Variants in SPNS2 observed in about 807,000 individuals in gnomAD.
SPNS2 encodes SPNS lysolipid transporter 2, sphingosine-1-phosphate, also known as sphingosine-1-phosphate transporter SPNS2.
Under a neutral mutation model 57.6 loss-of-function variants are expected in SPNS2, and 37 were observed. The observed-to-expected ratio is 0.64, with a 90% confidence interval of 0.49 to 0.85. The LOEUF (loss-of-function observed/expected upper bound fraction) is 0.85. SPNS2 is among the 40% of genes least tolerant of loss of function. SPNS2 has a pLI of 0.00. For synonymous variants in SPNS2, 440 were observed against 346.9 expected, an observed-to-expected ratio of 1.27 and a Z score of -2.98; for missense variants, 831 against 779.1, an observed-to-expected ratio of 1.07 and a Z score of -0.79.
At chr17:4,536,219 T>G in intron 10 of SPNS2, 44 bp from the exon 11 acceptor site, 1 of 1,608,578 alleles carries the variant, frequency 6.2e-7, no homozygotes, top group Non-Finnish European at 8.5e-7. Flanking sequence ...GCTGGGGGAC[T>G]GCAGGAGGGC....
chr17:4,537,420 GCC>G (rs1251149787), intron 12 of SPNS2, 31 bp from the exon 13 acceptor site: 1 of 432,038 alleles, frequency 2.3e-6, no homozygotes, highest in South Asian at 1.7e-5. Context: ...GCCCCACTAA[GCC>G]CCACTGCTGA....
chr17:4,525,949 G>T (rs1187363178), intron 3 of SPNS2, among the ~76,000 whole-genome samples: 1 of 152,178 alleles, frequency 6.6e-6, no homozygotes, highest in Non-Finnish European at 1.5e-5. Flanking sequence ...GCGTATTCAA[G>T]CAGAGAGTGG....
rs574888806 is a variant in SPNS2, at chr17:4,517,714, C to T, written c.436+4402C>T. On this transcript the variant is annotated intron_variant, in intron 2 of 12. Coordinates refer to ENST00000329078, the MANE Select transcript of SPNS2 (RefSeq NM_001124758.3). ...CCTCATTTTTTTGAGAGGGAGTCAGCTGACCCTGAAGATGGGAAAACAGAT... is the reference window on the plus strand; with the variant it reads ...CCTCATTTTTTTGAGAGGGAGTCAGTTGACCCTGAAGATGGGAAAACAGAT... Among the ~76,000 whole-genome samples, 16 of 152,216 alleles carry T rather than the reference C, an allele frequency of 1.1e-4. No homozygotes were observed. The South Asian group carries it at 3.1e-3, about 30-fold the overall frequency.
intron 2 of SPNS2, among the ~76,000 whole-genome samples, chr17:4,518,409 G>A (rs749241442): frequency 8.9e-4 from 135 of 152,304 alleles, no homozygotes; most frequent in Admixed American, 4.6e-3. Context: ...CTGTAATCCC[G>A]CTACTCGGGA....
intron 9 of SPNS2, among the ~76,000 whole-genome samples, chr17:4,535,755 G>C (rs574114900): frequency 6.6e-6 from 1 of 152,106 alleles, no homozygotes; most frequent in Non-Finnish European, 1.5e-5. Flanking sequence ...GGCCAATGAC[G>C]CTTTCAGTAT....
Position 4,516,600 on chromosome 17 carries a change from G to A in SPNS2, c.436+3288G>A, listed in dbSNP as rs897398693. 9.6e-5 allele frequency among the ~76,000 whole-genome samples: 11 copies of A among 114,460 alleles called. 1 individual carries two copies. The South Asian group carries it at 3.0e-3, about 31-fold the overall frequency. 75.1% of individuals were successfully genotyped at this position (114,460 alleles called of 152,430 possible). A position where few individuals can be genotyped will look rare whatever the true frequency, so the allele number is the denominator to read the frequency against. The stretch of plus-strand genomic sequence containing the variant: ...AGCGTGCACCTAGCTCTGGCCGGTG[G>A]CCGCGGAGAACACTTCCCTGAGGAG... On this transcript the variant is annotated intron_variant, in intron 2 of 12. Transcript: ENST00000329078.
Position 4,533,479 on chromosome 17 carries a change from C to T in SPNS2, c.1278+47C>T, listed in dbSNP as rs148741223. ...GGTGCTGGGGGAGCTGGGCCTGGGC[C>T]GCGGGAGGGTCTGGAACAGGACATT... On this transcript the variant is annotated intron_variant, in intron 8 of 12. Coordinates refer to ENST00000329078, the MANE Select transcript of SPNS2 (RefSeq NM_001124758.3). 1,927 of 1,534,494 alleles carry T rather than the reference C, an allele frequency of 1.3e-3. 17 individuals are homozygous for T. The African/African-American group carries it at 0.019, about 15-fold the overall frequency.
chr17:4,526,381 TC>T (rs1481839087), intron 3 of SPNS2, among the ~76,000 whole-genome samples: 7 of 152,038 alleles, frequency 4.6e-5, no homozygotes. Context: ...GGCGGGTGGA[TC>T]CCCTGAGGTC....
chr17:4,504,235 T>C (rs1904611967), intron 1 of SPNS2, among the ~76,000 whole-genome samples: 1 of 152,186 alleles, frequency 6.6e-6, no homozygotes, highest in Non-Finnish European at 1.5e-5. Context: ...AGCTGAGGTG[T>C]GAGGGGCAGG....
intron 9 of SPNS2, 85 bp from the exon 10 acceptor site, chr17:4,535,991 G>T: frequency 8.9e-7 from 1 of 1,127,762 alleles, no homozygotes; most frequent in African/African-American, 1.5e-5. Flanking sequence ...GGGTGTGGGG[G>T]CTTCAGAAGT....
In SPNS2 at chr17:4,512,999, G is replaced by T. The variant is rs7207689; in HGVS notation, c.371-248G>T. Among the ~76,000 whole-genome samples, 2 of 152,224 alleles carry T rather than the reference G, an allele frequency of 1.3e-5. No individual in the cohort carries two copies. Among genetic ancestry groups the T allele is most frequent in the East Asian group, 3.9e-4 (2 of 5,166 alleles). ...TGGTTGCCCATGGGGCAGAATGACC[G>T]CAGAGGAGCCCTGCCTTTCCCTGCC... On this transcript the variant is annotated intron_variant, in intron 1 of 12. Transcript: ENST00000329078. The surrounding 1 kb of genome is among the most constrained non-coding windows in gnomAD (Gnocchi z 5.2).
intron 9 of SPNS2, among the ~76,000 whole-genome samples, chr17:4,534,803 GC>G (rs1905692065): frequency 6.8e-6 from 1 of 146,882 alleles, no homozygotes; most frequent in African/African-American, 2.7e-5. Context: ...CACTGCACAG[GC>G]CCAGAGTGAA....
At chr17:4,526,921 A>G (rs370709580) in intron 3 of SPNS2, among the ~76,000 whole-genome samples, 36 of 152,222 alleles carry the variant, frequency 2.4e-4, no homozygotes, top group African/African-American at 8.2e-4. Context: ...TGGTGGCCAC[A>G]GTCAAAAATA....
At chr17:4,526,323 C>G (rs993461098) in intron 3 of SPNS2, among the ~76,000 whole-genome samples, 8 of 152,110 alleles carry the variant, frequency 5.3e-5, no homozygotes, top group African/African-American at 1.9e-4. Context: ...GAGGATTGGG[C>G]CAGGTGTGAT....
At chr17:4,500,144 C>T (rs1472278476) in intron 1 of SPNS2, among the ~76,000 whole-genome samples, 1 of 152,158 alleles carries the variant, frequency 6.6e-6, no homozygotes, top group Non-Finnish European at 1.5e-5. Flanking sequence ...GAGCTAGAGA[C>T]GTGGAGCCTC....
chr17:4,524,425 G>A (rs1001096035), intron 2 of SPNS2, among the ~76,000 whole-genome samples: 3 of 152,124 alleles, frequency 2.0e-5, no homozygotes, highest in Admixed American at 6.5e-5. Flanking sequence ...TGGCTCACAC[G>A]TGTAATCCCA....
chr17:4,507,792 CT>C (rs1904721091), intron 1 of SPNS2, among the ~76,000 whole-genome samples: 2 of 152,326 alleles, frequency 1.3e-5, no homozygotes, highest in African/African-American at 2.4e-5. Flanking sequence ...GCCAGGTGCC[CT>C]GTCTGGGCTG....
intron 5 of SPNS2, among the ~76,000 whole-genome samples, chr17:4,531,760 G>A (rs1026056804): frequency 6.6e-6 from 1 of 152,050 alleles, no homozygotes; most frequent in Non-Finnish European, 1.5e-5. Context: ...AGTCCCGGGG[G>A]CATGGGGGAG....
chr17:4,533,152 C>T, intron 7 of SPNS2, 23 bp downstream of exon 7: 1 of 1,594,260 alleles, frequency 6.3e-7, no homozygotes, highest in Non-Finnish European at 8.6e-7. Flanking sequence ...GGGGTGGGCC[C>T]AGGGCTGGTG....
Sources: gnomAD v4.1 joint callset for allele counts (sites outside exome capture counted in the v4.1 genomes callset) on GRCh38, gnomAD v4.1.1 for gene constraint, Gnocchi (gnomAD v3.1) non-coding constraint, MANE v1.5 for transcripts, NCBI Gene and HGNC (gene_info 2026-07-23, HGNC 2026-07-21) for gene names.